OR8B2: variants seen among roughly 807,000 people sequenced by gnomAD.
OR8B2 encodes olfactory receptor family 8 subfamily B member 2, also known as olfactory receptor 8B2.
For synonymous variants in OR8B2, 98 were observed against 138.2 expected, an observed-to-expected ratio of 0.71 and a Z score of 2.04; for missense variants, 304 against 379.6, an observed-to-expected ratio of 0.80 and a Z score of 1.65.
chr11:124,388,656 T>G (rs1007702346), upstream of OR8B2, among the ~76,000 whole-genome samples: 11 of 152,110 alleles, frequency 7.2e-5, no homozygotes, highest in African/African-American at 2.7e-4. Flanking sequence ...ATTCTACTGA[T>G]TTATTTCATC....
At chr11:124,393,477 G>T in the OR8B2 span, among the ~76,000 whole-genome samples, 4 of 127,864 alleles carry the variant, frequency 3.1e-5, no homozygotes, top group Non-Finnish European at 6.4e-5. Flanking sequence ...CTTCTCAAAA[G>T]AAGACATTTA....
At chr11:124,386,504 G>A (rs1390075326), upstream of OR8B2, among the ~76,000 whole-genome samples, 4 of 145,556 alleles carry the variant, frequency 2.7e-5, no homozygotes, top group Non-Finnish European at 4.5e-5. Context: ...GAGAATACGT[G>A]GTGTTTGGTT....
At chr11:124,396,164 G>A in the OR8B2 span, 3 of 404,208 alleles carry the variant, frequency 7.4e-6, no homozygotes, top group South Asian at 5.0e-5. Context: ...GATATAAAAT[G>A]ATAATGAAAA....
Position 124,383,228 on chromosome 11 carries a change from A to G in OR8B2, c.116T>C (p.Met39Thr), listed in dbSNP as rs150895565. ...AGTGATCAAGCCAAGGTTGCCTACC[A>G]TGGTGACAATGTAGATCACTAGAAA... ...FLFLVIYIVT[M>T]VGNLGLITLF... Residue 39 changes from methionine to threonine, a missense_variant, in exon 2 of 2, where the codon ATG becomes ACG. By Grantham distance (81) the Met-to-Thr change is moderately conservative. Transcript: ENST00000641451. 11,815 of 1,611,628 alleles carry G rather than the reference A, an allele frequency of 7.3e-3. No individual in the cohort carries two copies. The highest frequency in any genetic ancestry group is 0.061 in the African/African-American group (4,521 of 74,268).
chr11:124,393,759 A>G, the OR8B2 span, among the ~76,000 whole-genome samples: 1 of 152,116 alleles, frequency 6.6e-6, no homozygotes, highest in African/African-American at 2.4e-5. Context: ...TACTGGGTAT[A>G]TACCCAAAGG....
chr11:124,384,917 G>A (rs567239), upstream of OR8B2, among the ~76,000 whole-genome samples: 127,792 of 152,200 alleles, frequency 0.84, 53,681 homozygotes, highest in South Asian at 0.9. Flanking sequence ...TATCGGCAGT[G>A]TTAGCTTTAA....
chr11:124,390,395 T>C, the OR8B2 span, among the ~76,000 whole-genome samples: 2 of 152,158 alleles, frequency 1.3e-5, no homozygotes, highest in African/African-American at 2.4e-5. Context: ...CTAGGCCACA[T>C]TGGAAGAAGA....
At chr11:124,394,006 C>T in the OR8B2 span, among the ~76,000 whole-genome samples, 1 of 147,182 alleles carries the variant, frequency 6.8e-6, no homozygotes, top group African/African-American at 2.5e-5. Context: ...ATCGCAAGAA[C>T]AAAAAACCAA....
At chr11:124,385,633 CTTTT>C, upstream of OR8B2, among the ~76,000 whole-genome samples, 1 of 139,388 alleles carries the variant, frequency 7.2e-6, no homozygotes, top group African/African-American at 2.7e-5. Context: ...CTCTCTCTCT[CTTTT>C]TTTTTTTTTT....
upstream of OR8B2, among the ~76,000 whole-genome samples, chr11:124,388,418 C>T (rs7118177): frequency 0.33 from 49,763 of 151,868 alleles, 8,216 homozygotes; most frequent in African/African-American, 0.4. Flanking sequence ...CCTTTTCTAT[C>T]ACATTAGTGA....
chr11:124,388,338 A>C (rs1367307375), upstream of OR8B2, among the ~76,000 whole-genome samples: 1 of 151,724 alleles, frequency 6.6e-6, no homozygotes, highest in Admixed American at 6.6e-5. Context: ...GTCTTGTGCC[A>C]GTTTTCAAAG....
In OR8B2 at chr11:124,383,215, A is replaced by C; in HGVS notation, c.129T>G (p.Leu43=). 1 of 1,614,008 alleles carries C rather than the reference A, an allele frequency of 6.2e-7. No homozygotes were observed. Among genetic ancestry groups the C allele is most frequent in the Non-Finnish European group, 8.5e-7 (1 of 1,179,866 alleles). Residue 43 remains leucine (L), a synonymous_variant, in exon 2 of 2, where the codon CTT becomes CTG. Coordinates refer to ENST00000641451, the MANE Select transcript of OR8B2 (RefSeq NM_001005468.2). ...VIYIVTMVGN[L]GLITLFGLNS... ...TTAGACCGAAAAGAGTGATCAAGCC[A>C]AGGTTGCCTACCATGGTGACAATGT...
At chr11:124,386,627 C>G (rs10893218), upstream of OR8B2, among the ~76,000 whole-genome samples, 70,662 of 150,274 alleles carry the variant, frequency 0.47, 17,640 homozygotes, top group East Asian at 0.59. Context: ...ATGGTGTACA[C>G]GTGCCACATT....
the OR8B2 span, among the ~76,000 whole-genome samples, chr11:124,391,775 A>G: frequency 6.6e-6 from 1 of 151,968 alleles, no homozygotes; most frequent in Admixed American, 6.5e-5. Flanking sequence ...GGCTAGCATC[A>G]TCCTGATACC....
the OR8B2 span, among the ~76,000 whole-genome samples, chr11:124,390,939 T>G: frequency 4.6e-5 from 7 of 152,168 alleles, no homozygotes; most frequent in Admixed American, 4.6e-4. Context: ...AGGTCAAGGT[T>G]TGGTGTTTTC....
chr11:124,388,522 C>G (rs1237125705), upstream of OR8B2, among the ~76,000 whole-genome samples: 2 of 152,108 alleles, frequency 1.3e-5, no homozygotes, highest in African/African-American at 4.8e-5. Context: ...TGCCTAGGAG[C>G]ACACCAAGCT....
chr11:124,396,065 T>A, the OR8B2 span: 86,929 of 182,240 alleles, frequency 0.48, 22,044 homozygotes, highest in East Asian at 0.59. Context: ...ACTTCTGAGT[T>A]TAGGTGAGAA....
In OR8B2 at chr11:124,383,010, A is replaced by T; in HGVS notation, c.334T>A (p.Cys112Ser). Reference protein sequence around the residue: ...FFFLFFVISECYMLTSMAYDR... With the variant: ...FFFLFFVISESYMLTSMAYDR... ...TATGCCATTGAAGTCAACATGTAACATTCAGAGATGACGAAAAAGAGAAAG... is the reference window on the plus strand; with the variant it reads ...TATGCCATTGAAGTCAACATGTAACTTTCAGAGATGACGAAAAAGAGAAAG... Residue 112 changes from cysteine to serine, a missense_variant, in exon 2 of 2, where the codon TGT (cysteine) becomes AGT (serine). Transcript: ENST00000641451. 1 of 1,613,874 alleles carries T rather than the reference A, an allele frequency of 6.2e-7. No individual in the cohort carries two copies. Among genetic ancestry groups the T allele is most frequent in the Admixed American group, 1.7e-5 (1 of 59,932 alleles).
At chr11:124,386,360 A>T (rs183665568), upstream of OR8B2, among the ~76,000 whole-genome samples, 1 of 139,588 alleles carries the variant, frequency 7.2e-6, no homozygotes, top group Non-Finnish European at 1.5e-5. Context: ...GCACCCATTA[A>T]CTCCTCATTT....
Sources: allele counts gnomAD v4.1 joint callset (sites outside exome capture counted in the v4.1 genomes callset), GRCh38; gene constraint gnomAD v4.1.1; transcripts MANE v1.5; gene names NCBI Gene and HGNC (gene_info 2026-07-23, HGNC 2026-07-21).